Variants in TBC1D4 observed in about 807,000 individuals in gnomAD.
The protein encoded by TBC1D4 is TBC (Tre-2, BUB2, CDC16) domain-containing protein.
In TBC1D4, 121 loss-of-function variants were observed where a neutral mutation model predicts 142.5. The observed-to-expected ratio is 0.85, with a 90% CI of 0.73 to 0.99. The LOEUF (loss-of-function observed/expected upper bound fraction) is 0.99. Ranked by LOEUF, TBC1D4 falls within the 50% of genes least tolerant of loss-of-function variation. The pLI is 0.00. For synonymous variants in TBC1D4, 630 were observed against 628.2 expected, an observed-to-expected ratio of 1.00 and a Z score of -0.04; for missense variants, 1,475 against 1,606.6, an observed-to-expected ratio of 0.92 and a Z score of 1.40.
In TBC1D4 at chr13:75,481,999, G is replaced by A. The variant is rs1888912654; in HGVS notation, c.-232C>T. 4 of 482,244 alleles carry A rather than the reference G, an allele frequency of 8.3e-6. No individual in the cohort carries two copies. Among genetic ancestry groups the A allele is most frequent in the Middle Eastern group, 5.6e-4 (1 of 1,776 alleles). 29.9% of individuals were successfully genotyped at this position (482,244 alleles called of 1,614,324 possible). A position where few individuals can be genotyped will look rare whatever the true frequency, so the allele number is the denominator to read the frequency against. The stretch of plus-strand genomic sequence containing the variant: ...GCACCGAGGCAAGCGCCCGGCAGGC[G>A]AGGGCGGGTTAAATGGGCATCCTCC... On this transcript the variant is annotated 5_prime_UTR_variant, in exon 1 of 21. Coordinates refer to ENST00000377636, the MANE Select transcript of TBC1D4 (RefSeq NM_014832.5).
intron 1 of TBC1D4, among the ~76,000 whole-genome samples, chr13:75,379,692 T>G (rs1301694505): frequency 6.6e-6 from 1 of 152,096 alleles, no homozygotes; most frequent in Non-Finnish European, 1.5e-5. Context: ...TTAGAAGTTC[T>G]TGAGTCCTTA....
intron 1 of TBC1D4, among the ~76,000 whole-genome samples, chr13:75,443,683 C>T (rs144652940): frequency 2.0e-4 from 30 of 152,296 alleles, no homozygotes; most frequent in African/African-American, 6.3e-4. Flanking sequence ...CAGTCAACTT[C>T]GCTTTCCTTC....
At chr13:75,395,434 C>T (rs185735128) in intron 1 of TBC1D4, among the ~76,000 whole-genome samples, 219 of 152,322 alleles carry the variant, frequency 1.4e-3, no homozygotes, top group Non-Finnish European at 2.2e-3. Flanking sequence ...ATACCATAAT[C>T]TGTATACAAT....
At chr13:75,458,312 C>T (rs749832212) in intron 1 of TBC1D4, among the ~76,000 whole-genome samples, 6 of 152,170 alleles carry the variant, frequency 3.9e-5, no homozygotes, top group South Asian at 2.1e-4. Context: ...GAACTCTCAA[C>T]GTTCAGATGC....
At chr13:75,464,227 G>T (rs1435101414) in intron 1 of TBC1D4, among the ~76,000 whole-genome samples, 1 of 134,960 alleles carries the variant, frequency 7.4e-6, no homozygotes, top group Non-Finnish European at 1.7e-5. Context: ...CCCAAAACTG[G>T]CCATAAACAA....
At chr13:75,329,474 C>T (rs1879567804) in intron 8 of TBC1D4, among the ~76,000 whole-genome samples, 1 of 150,784 alleles carries the variant, frequency 6.6e-6, no homozygotes, top group South Asian at 2.1e-4. Flanking sequence ...TTTAAGCTAC[C>T]ATTATGGAGA....
chr13:75,393,586 C>A (rs978871373), intron 1 of TBC1D4, among the ~76,000 whole-genome samples: 18 of 152,210 alleles, frequency 1.2e-4, no homozygotes, highest in African/African-American at 4.3e-4. Flanking sequence ...TTACCCAGAC[C>A]TGAGAAATTT....
intron 15 of TBC1D4, 107 bp from the exon 16 acceptor site, chr13:75,302,508 G>C: frequency 2.4e-6 from 3 of 1,270,478 alleles, no homozygotes; most frequent in Non-Finnish European, 3.4e-6. Flanking sequence ...TGTATGTACT[G>C]CATGCCACCC....
chr13:75,425,094 A>C (rs1053149994), intron 1 of TBC1D4, among the ~76,000 whole-genome samples: 1 of 152,200 alleles, frequency 6.6e-6, no homozygotes, highest in Admixed American at 6.5e-5. Flanking sequence ...TATGCAAACC[A>C]TATATCTGAT....
At chr13:75,456,444 A>G (rs9600475) in intron 1 of TBC1D4, among the ~76,000 whole-genome samples, 24,820 of 151,450 alleles carry the variant, frequency 0.16, 2,768 homozygotes, top group Middle Eastern at 0.3. Context: ...GAATATTTAA[A>G]GAACTTCTAC....
At chr13:75,339,564 T>C (rs1566397812) in intron 7 of TBC1D4, among the ~76,000 whole-genome samples, 1 of 150,772 alleles carries the variant, frequency 6.6e-6, no homozygotes, top group Non-Finnish European at 1.5e-5. Context: ...GGCACACTAC[T>C]ACATAACTTT....
Position 75,315,643 on chromosome 13 carries a change from A to C in TBC1D4, c.2223-2745T>G, listed in dbSNP as rs1878258930. On this transcript the variant is annotated intron_variant, in intron 12 of 20. Coordinates refer to ENST00000377636, the MANE Select transcript of TBC1D4 (RefSeq NM_014832.5). The stretch of plus-strand genomic sequence containing the variant: ...TATATTTCTAGCTTGTAGTGTAGTA[A>C]CAGGTAAATAATAAGCACTGAATAA... Among the ~76,000 whole-genome samples the C allele has an allele frequency of 2.0e-5, 3 of 152,102 alleles. No individual in the cohort carries two copies. In the South Asian group the frequency reaches 6.2e-4, roughly 31 times the overall value.
Position 75,362,687 on chromosome 13 carries a change from A to C in TBC1D4, c.499-80T>G. On this transcript the variant is annotated intron_variant, in intron 1 of 20. Coordinates refer to ENST00000377636, the MANE Select transcript of TBC1D4 (RefSeq NM_014832.5). The surrounding 1 kb of genome is among the most constrained non-coding windows in gnomAD (Gnocchi z 4.2). ...ATTTACCTAGCCCAATTATTACCAC[A>C]TGGAATGTATTTTCATCCTAAATAA... is the stretch of plus-strand genomic sequence containing the variant. 1 of 1,434,390 alleles carries C rather than the reference A, an allele frequency of 7.0e-7. No homozygotes were observed. The highest frequency in any genetic ancestry group is 9.7e-7 in the Non-Finnish European group (1 of 1,028,582). 88.9% of individuals were successfully genotyped at this position (1,434,390 alleles called of 1,614,324 possible). A position where few individuals can be genotyped will look rare whatever the true frequency, so the allele number is the denominator to read the frequency against.
intron 4 of TBC1D4, among the ~76,000 whole-genome samples, chr13:75,354,886 G>A (rs1392056782): frequency 6.6e-6 from 1 of 152,044 alleles, no homozygotes; most frequent in African/African-American, 2.4e-5. Context: ...TCTATCTCAA[G>A]TCCTAAATGC....
Position 75,324,310 on chromosome 13 carries a change from TGAAGGAAGGGGCAGA to T in TBC1D4, c.2110_2124del (p.Ser704_Phe708del), listed in dbSNP as rs1378073927. On this transcript the variant is annotated inframe_deletion, in exon 11 of 21. Transcript: ENST00000377636. ...AAGCTTTTCAGGAAAGAGGGGGCAG[TGAAGGAAGGGGCAGA>T]GAAGGAAGTGTGAAGACTTGGAAGA... 9 of 1,613,918 alleles carry T rather than the reference TGAAGGAAGGGGCAGA, an allele frequency of 5.6e-6. No homozygotes were observed. The highest frequency in any genetic ancestry group is 7.6e-6 in the Non-Finnish European group (9 of 1,179,878).
At chr13:75,370,314 G>A (rs1883156447) in intron 1 of TBC1D4, among the ~76,000 whole-genome samples, 1 of 152,156 alleles carries the variant, frequency 6.6e-6, no homozygotes, top group Admixed American at 6.5e-5. Flanking sequence ...TCTACTCTTG[G>A]TGAGATAGAA....
chr13:75,330,495 C>T (rs1325596891), intron 8 of TBC1D4, among the ~76,000 whole-genome samples: 1 of 152,216 alleles, frequency 6.6e-6, no homozygotes, highest in East Asian at 1.9e-4. Flanking sequence ...ACTTAATCCT[C>T]ATACCAGTTG....
chr13:75,451,115 C>T (rs1438826284), intron 1 of TBC1D4, among the ~76,000 whole-genome samples: 9 of 152,236 alleles, frequency 5.9e-5, no homozygotes, highest in East Asian at 3.9e-4. Flanking sequence ...CATTGCAGTG[C>T]GCATGAAGAG....
At chr13:75,292,338 T>G in intron 18 of TBC1D4, 67 bp from the exon 19 acceptor site, 1 of 1,363,212 alleles carries the variant, frequency 7.3e-7, no homozygotes, top group South Asian at 1.2e-5. Flanking sequence ...GCACGCTATT[T>G]GTGCTAAAGG....
Sources: gnomAD v4.1 joint callset for allele counts (sites outside exome capture counted in the v4.1 genomes callset) on GRCh38, gnomAD v4.1.1 for gene constraint, Gnocchi (gnomAD v3.1) non-coding constraint, MANE v1.5 for transcripts, NCBI Gene and HGNC (gene_info 2026-07-23, HGNC 2026-07-21) for gene names.